The following DCLK3 variants were observed in gnomAD, a reference collection of about 807,000 sequenced individuals.
The protein encoded by DCLK3 is doublecortin like kinase 3.
In DCLK3, 30 loss-of-function variants were observed where a neutral mutation model predicts 46.4. That is an observed-to-expected ratio of 0.65 (90% CI 0.48 to 0.88). The LOEUF is 0.88. Among genes scored for constraint, DCLK3 ranks in the 40% least tolerant of loss-of-function variants. The probability of loss-of-function intolerance (pLI) is 0.00; values close to 1 mark genes in which losing one functional copy is unlikely to be tolerated. For missense variants in DCLK3, 846 were observed against 907.1 expected, an observed-to-expected ratio of 0.93 and a Z score of 0.87; for synonymous variants, 401 against 339.2, an observed-to-expected ratio of 1.18 and a Z score of -2.00.
intron 4 of DCLK3, among the ~76,000 whole-genome samples, chr3:36,716,350 A>G (rs115906567): frequency 0.018 from 2,770 of 152,220 alleles, 75 homozygotes; most frequent in African/African-American, 0.063. Flanking sequence ...TTACCCACCA[A>G]TCACCGCTCC....
At chr3:36,741,696 G>A (rs1229823202) in intron 1 of DCLK3, among the ~76,000 whole-genome samples, 2 of 152,212 alleles carry the variant, frequency 1.3e-5, no homozygotes, top group Non-Finnish European at 2.9e-5. Context: ...GGTCAGCACA[G>A]ATGAAGGTAA....
chr3:36,761,790 A>G (rs923451819), intron 1 of DCLK3, among the ~76,000 whole-genome samples: 1 of 151,888 alleles, frequency 6.6e-6, no homozygotes, highest in African/African-American at 2.4e-5. Flanking sequence ...GCTGGTGGAG[A>G]CCTACCCACC....
intron 1 of DCLK3, among the ~76,000 whole-genome samples, chr3:36,742,895 A>G (rs1414480010): frequency 6.6e-6 from 1 of 152,188 alleles, no homozygotes; most frequent in Non-Finnish European, 1.5e-5. Context: ...AACTGCACAC[A>G]GAGTACTTTC....
chr3:36,738,890 T>A lies in DCLK3; in HGVS notation c.277A>T (p.Lys93Ter). ...TTCACTACGGTCACGACCCTGGGCTTCAGAGGGCTGTTCTCAGGATGTGCT... is the reference window on the plus strand; with the variant it reads ...TTCACTACGGTCACGACCCTGGGCTACAGAGGGCTGTTCTCAGGATGTGCT... ...HSAHPENSPL[K>*]PRVVTVVKLG... The change falls in exon 2 of 5, where the codon AAG (lysine) becomes TAG (stop). Residue 93 changes from lysine (K) to a stop codon, truncating the protein, a stop_gained. Transcript: ENST00000636136. LOFTEE classifies it high-confidence loss of function. 1 of 452,906 alleles carries A rather than the reference T, an allele frequency of 2.2e-6. No homozygotes were observed. Among genetic ancestry groups the A allele is most frequent in the Non-Finnish European group, 3.6e-6 (1 of 274,664 alleles). 28.1% of individuals were successfully genotyped at this position (452,906 alleles called of 1,614,324 possible).
chr3:36,730,227 C>A (rs954754376), intron 2 of DCLK3, among the ~76,000 whole-genome samples: 2 of 133,702 alleles, frequency 1.5e-5, no homozygotes, highest in Admixed American at 7.5e-5. Flanking sequence ...CACACACACA[C>A]AAACACATAA....
At chr3:36,729,248 T>TGG (rs71085143) in intron 2 of DCLK3, among the ~76,000 whole-genome samples, 1,788 of 92,368 alleles carry the variant, frequency 0.019, 46 homozygotes, top group East Asian at 0.064. Context: ...TGTGTGTGTG[T>TGG]GGGGGGGGGG....
At chr3:36,761,033 A>C (rs184249800) in intron 1 of DCLK3, among the ~76,000 whole-genome samples, 1 of 152,316 alleles carries the variant, frequency 6.6e-6, no homozygotes, top group Non-Finnish European at 1.5e-5. Context: ...ACACTACATG[A>C]CACCCTGCCC....
chr3:36,731,477 AC>A (rs1430445355), intron 2 of DCLK3, among the ~76,000 whole-genome samples: 1 of 151,428 alleles, frequency 6.6e-6, no homozygotes, highest in Non-Finnish European at 1.5e-5. Flanking sequence ...ACACACACAC[AC>A]ACACCCTTGA....
intron 1 of DCLK3, among the ~76,000 whole-genome samples, chr3:36,758,017 G>A (rs940661931): frequency 2.0e-5 from 3 of 151,970 alleles, no homozygotes; most frequent in Non-Finnish European, 4.4e-5. Flanking sequence ...TGCTGTCTCA[G>A]CCTTCCTCTC....
intron 1 of DCLK3, among the ~76,000 whole-genome samples, chr3:36,754,979 T>C (rs1345601127): frequency 6.6e-6 from 1 of 152,226 alleles, no homozygotes; most frequent in Non-Finnish European, 1.5e-5. Context: ...TTTCTATATG[T>C]ATAGTGAAGC....
intron 2 of DCLK3, among the ~76,000 whole-genome samples, chr3:36,732,874 T>C (rs1701215223): frequency 6.6e-6 from 1 of 152,154 alleles, no homozygotes; most frequent in Non-Finnish European, 1.5e-5. Context: ...ATAGCAATAA[T>C]CAGTGACTCC....
chr3:36,764,127 G>GC lies in DCLK3; in HGVS notation c.82+54dup, dbSNP rs1701564151. 6.1e-6 allele frequency: 2 copies of GC among 328,150 alleles called. No individual in the cohort carries two copies. The highest frequency in any genetic ancestry group is 1.1e-5 in the Non-Finnish European group (2 of 179,890). The allele number at this position is 328,150 out of a possible 1,614,324, so 20.3% of individuals were successfully genotyped here. ...AGAGTTAGGGCGAATGAGTCCTCCC[G>GC]CCCCCGCCAAGGTGGCGCCCAGAAC... On this transcript the variant is annotated intron_variant, in intron 1 of 4. Coordinates refer to ENST00000636136, the MANE Select transcript of DCLK3 (RefSeq NM_001394672.2). The surrounding 1 kb of genome is among the most constrained non-coding windows in gnomAD (Gnocchi z 4.9).
At chr3:36,717,718 C>T (rs1361083739) in intron 4 of DCLK3, among the ~76,000 whole-genome samples, 3 of 152,136 alleles carry the variant, frequency 2.0e-5, no homozygotes, top group African/African-American at 7.2e-5. Context: ...TTTCTCTTTC[C>T]AAAGGGGAGT....
intron 1 of DCLK3, among the ~76,000 whole-genome samples, chr3:36,740,192 G>T (rs1701329901): frequency 7.0e-6 from 1 of 142,198 alleles, no homozygotes; most frequent in Non-Finnish European, 1.5e-5. Flanking sequence ...TTTTTGTGAA[G>T]AATAAATGAT....
chr3:36,748,706 G>A (rs1490416414), intron 1 of DCLK3, among the ~76,000 whole-genome samples: 2 of 152,084 alleles, frequency 1.3e-5, no homozygotes, highest in Admixed American at 6.5e-5. Context: ...ACCTGCCAGC[G>A]ACCATAACAC....
intron 2 of DCLK3, among the ~76,000 whole-genome samples, chr3:36,728,607 C>T (rs1238125796): frequency 3.9e-5 from 6 of 152,158 alleles, no homozygotes; most frequent in Non-Finnish European, 8.8e-5. Context: ...GGCTCCAAGA[C>T]TTATACCAGT....
intron 2 of DCLK3, among the ~76,000 whole-genome samples, chr3:36,734,889 A>G (rs1179618931): frequency 1.3e-5 from 2 of 152,244 alleles, no homozygotes; most frequent in Non-Finnish European, 1.5e-5. Flanking sequence ...CATGTGATCT[A>G]TAACAGTGCT....
intron 1 of DCLK3, among the ~76,000 whole-genome samples, chr3:36,745,991 A>C (rs1701390479): frequency 6.6e-6 from 1 of 152,244 alleles, no homozygotes; most frequent in African/African-American, 2.4e-5. Flanking sequence ...CAAGGTAATA[A>C]AATGAAACTG....
intron 2 of DCLK3, among the ~76,000 whole-genome samples, chr3:36,733,557 T>C (rs1701224607): frequency 6.6e-6 from 1 of 152,184 alleles, no homozygotes; most frequent in African/African-American, 2.4e-5. Context: ...CTCCAGCTCC[T>C]GTTTGCTTCC....
Sources: allele counts gnomAD v4.1 joint callset (sites outside exome capture counted in the v4.1 genomes callset), GRCh38; gene constraint gnomAD v4.1.1; non-coding constraint Gnocchi (gnomAD v3.1); transcripts MANE v1.5; gene names NCBI Gene and HGNC (gene_info 2026-07-23, HGNC 2026-07-21).